The following CCDC85C variants were observed in gnomAD, a reference collection of about 807,000 sequenced individuals.
The protein encoded by CCDC85C is coiled-coil domain containing 85C.
CCDC85C carries 18 observed loss-of-function variants against 38.3 expected under a neutral mutation model. The ratio of observed to expected loss-of-function variants is 0.47; its 90% CI spans 0.33 to 0.70. The LOEUF (loss-of-function observed/expected upper bound fraction) is 0.70, where lower values mean the gene tolerates loss of function less well. Ranked by LOEUF, CCDC85C falls within the 30% of genes least tolerant of loss-of-function variation. CCDC85C has a pLI of 0.03. For synonymous variants in CCDC85C, 264 were observed against 293.8 expected (o/e 0.90, Z 1.04); for missense variants, 566 against 621.2 (o/e 0.91, Z 0.94).
chr14:99,584,152 C>T, intron 1 of CCDC85C, among the ~76,000 whole-genome samples: 1 of 152,136 alleles, frequency 6.6e-6, no homozygotes, highest in East Asian at 1.9e-4. Flanking sequence ...CTTAGCCTCC[C>T]AAGCAGCTGG....
rs145094828 is a variant in CCDC85C, at chr14:99,559,193, C to T, written c.794-23105G>A. 4.2e-4 allele frequency among the ~76,000 whole-genome samples: 59 copies of T among 140,510 alleles called. 4 individuals carry two copies. The East Asian group carries it at 0.012, about 28-fold the overall frequency. The allele number at this position is 140,510 out of a possible 152,430, so 92.2% of individuals were successfully genotyped here. Reference sequence around the variant, plus strand: ...TCTTAGGTATTTCTTTACAGCAATGCGAGAGCAGCCGAATACAGGAGTCCC... The same window carrying T: ...TCTTAGGTATTTCTTTACAGCAATGTGAGAGCAGCCGAATACAGGAGTCCC... On this transcript the variant is annotated intron_variant, in intron 1 of 5. Coordinates refer to ENST00000380243, the MANE Select transcript of CCDC85C (RefSeq NM_001144995.2).
chr14:99,564,661 G>T (rs1315587354), intron 1 of CCDC85C, among the ~76,000 whole-genome samples: 1 of 152,244 alleles, frequency 6.6e-6, no homozygotes, highest in African/African-American at 2.4e-5. Flanking sequence ...AGTCCCAGTG[G>T]CAGGAAGTAT....
Position 99,535,718 on chromosome 14 carries a change from G to A in CCDC85C, c.867+297C>T, listed in dbSNP as rs1407612966. On this transcript the variant is annotated intron_variant, in intron 2 of 5. Coordinates refer to ENST00000380243, the MANE Select transcript of CCDC85C (RefSeq NM_001144995.2). The surrounding 1 kb of genome is among the most constrained non-coding windows in gnomAD (Gnocchi z 5.5). ...CCTGCCTGGATCTGCCCATCTGCCA[G>A]AGGAGTGAAGCAGCCCATTTCTTCA... 6.6e-6 allele frequency among the ~76,000 whole-genome samples: 1 copy of A among 152,174 alleles called. No homozygotes were observed. The highest frequency in any genetic ancestry group is 1.5e-5 in the Non-Finnish European group (1 of 68,030).
At chr14:99,562,364 C>G (rs1898133774) in intron 1 of CCDC85C, among the ~76,000 whole-genome samples, 1 of 152,232 alleles carries the variant, frequency 6.6e-6, no homozygotes, top group Non-Finnish European at 1.5e-5. Context: ...CAAGCCCTAA[C>G]CAAGTGCCAC....
intron 1 of CCDC85C, among the ~76,000 whole-genome samples, chr14:99,560,666 C>T (rs1472478213): frequency 1.3e-5 from 2 of 152,216 alleles, no homozygotes; most frequent in African/African-American, 2.4e-5. Context: ...TCGCTGGGCC[C>T]GGTGTACTCA....
Position 99,572,066 on chromosome 14 carries a change from C to G in CCDC85C, c.793+31101G>C, listed in dbSNP as rs1019995044. 6.6e-6 allele frequency among the ~76,000 whole-genome samples: 1 copy of G among 152,180 alleles called. No individual in the cohort carries two copies. Among genetic ancestry groups the G allele is most frequent in the Non-Finnish European group, 1.5e-5 (1 of 68,030 alleles). On this transcript the variant is annotated intron_variant, in intron 1 of 5. Coordinates refer to ENST00000380243, the MANE Select transcript of CCDC85C (RefSeq NM_001144995.2). The surrounding 1 kb of genome is among the most constrained non-coding windows in gnomAD (Gnocchi z 4.4). ...GCATCTCAGAGCGTGATCCCCAGAG[C>G]CCCCAACCCTAACCCAGCACCCGCA...
intron 1 of CCDC85C, among the ~76,000 whole-genome samples, chr14:99,551,697 G>A (rs1411427437): frequency 6.6e-6 from 1 of 151,718 alleles, no homozygotes; most frequent in Non-Finnish European, 1.5e-5. Context: ...AGGTGAGTGT[G>A]CAGGTGGGTG....
chr14:99,592,232 A>G (rs2055095562), intron 1 of CCDC85C, among the ~76,000 whole-genome samples: 1 of 152,230 alleles, frequency 6.6e-6, no homozygotes, highest in Non-Finnish European at 1.5e-5. Context: ...GAATTGAAGC[A>G]GCTACATATG....
At chr14:99,549,218 GAAGT>G (rs1261150726) in intron 1 of CCDC85C, among the ~76,000 whole-genome samples, 2 of 152,216 alleles carry the variant, frequency 1.3e-5, no homozygotes, top group East Asian at 1.9e-4. Flanking sequence ...TTCTTAATAA[GAAGT>G]AAGTTAAAGG....
chr14:99,536,213 G>A, intron 1 of CCDC85C, 125 bp from the exon 2 acceptor site: 3 of 715,462 alleles, frequency 4.2e-6, no homozygotes, highest in Non-Finnish European at 5.0e-6. Context: ...CCCACAGCCA[G>A]GTGACGCCCC....
At position 99,535,733 on chromosome 14, in the gene CCDC85C, C is replaced by G. The variant is rs1595348178; in HGVS notation, c.867+282G>C. 1.3e-5 allele frequency among the ~76,000 whole-genome samples: 2 copies of G among 152,162 alleles called. No homozygotes were observed. The highest frequency in any genetic ancestry group is 3.9e-4 in the East Asian group (2 of 5,188). ...CCATCTGCCAGAGGAGTGAAGCAGCCCATTTCTTCATCAACTGGGTGTTGT... is the reference window on the plus strand; with the variant it reads ...CCATCTGCCAGAGGAGTGAAGCAGCGCATTTCTTCATCAACTGGGTGTTGT... On this transcript the variant is annotated intron_variant, in intron 2 of 5. Coordinates refer to ENST00000380243, the MANE Select transcript of CCDC85C (RefSeq NM_001144995.2). The surrounding 1 kb of genome is among the most constrained non-coding windows in gnomAD (Gnocchi z 5.5).
intron 1 of CCDC85C, among the ~76,000 whole-genome samples, chr14:99,550,733 C>T (rs892548957): frequency 4.1e-4 from 62 of 152,320 alleles, no homozygotes; most frequent in Non-Finnish European, 7.9e-4. Context: ...CTGCCCTGTT[C>T]CCCGACTGCT....
In CCDC85C at chr14:99,501,109, T is replaced by C; in HGVS notation, c.*14137A>G. 1.7e-6 allele frequency: 1 copy of C among 600,144 alleles called. No individual in the cohort carries two copies. The highest frequency in any genetic ancestry group is 2.9e-6 in the Non-Finnish European group (1 of 342,428). The allele number at this position is 600,144 out of a possible 1,614,324, so 37.2% of individuals were successfully genotyped here. A position where few individuals can be genotyped will look rare whatever the true frequency, so the allele number is the denominator to read the frequency against. On this transcript the variant is annotated 3_prime_UTR_variant, in exon 6 of 6. Coordinates refer to ENST00000380243, the MANE Select transcript of CCDC85C (RefSeq NM_001144995.2). Reference sequence around the variant, plus strand: ...GGAGAGGCAGGAAAATGAGGCAGAATTTTTTAAATGGACTAATAAACTTAG... The same window carrying C: ...GGAGAGGCAGGAAAATGAGGCAGAACTTTTTAAATGGACTAATAAACTTAG...
rs58668399 is a variant in CCDC85C, at chr14:99,517,152, G to A, written c.1007C>T (p.Ser336Leu). The A allele has an allele frequency of 2.3e-3, 3,488 of 1,549,746 alleles. 106 individuals are homozygous for A. In the Admixed American group the frequency reaches 0.053, roughly 23 times the overall value. Residue 336 changes from serine (S) to leucine (L), a missense_variant, in exon 4 of 6, where the codon TCG becomes TTG. This residue lies in a region of CCDC85C where 286 missense variants were observed against 276.4 expected (regional missense o/e 1.03). Transcript: ENST00000380243. ...GPACPAPELPSPPSAGYSPAG... is the reference protein window; with the variant it reads ...GPACPAPELPLPPSAGYSPAG... ...AGGGCTGTAGCCAGCAGAGGGGGGC[G>A]AGGGCAGCTCAGGTGCGGGGCAGGC...
In CCDC85C at chr14:99,558,866, C is replaced by T. The variant is rs746550984; in HGVS notation, c.794-22778G>A. Among the ~76,000 whole-genome samples the T allele has an allele frequency of 1.3e-5, 2 of 152,174 alleles. No individual in the cohort carries two copies. The highest frequency in any genetic ancestry group is 1.5e-5 in the Non-Finnish European group (1 of 68,028). On this transcript the variant is annotated intron_variant, in intron 1 of 5. Coordinates refer to ENST00000380243, the MANE Select transcript of CCDC85C (RefSeq NM_001144995.2). This position sits in a 1 kb window ranked among gnomAD's most constrained non-coding sequence, Gnocchi z 4.2. The stretch of plus-strand genomic sequence containing the variant: ...GTATCCCCAGTGCTGGAGGTGGGGC[C>T]TGGAGGGAGGTGACCGGATCATCCG...
chr14:99,531,591 G>GA (rs1897494924), intron 2 of CCDC85C, among the ~76,000 whole-genome samples: 2 of 124,158 alleles, frequency 1.6e-5, no homozygotes, highest in African/African-American at 5.7e-5. Context: ...GGTGGGGGGG[G>GA]GGGTGGGACC....
rs1406728723 is a variant in CCDC85C, at chr14:99,572,905, C to T, written c.793+30262G>A. On this transcript the variant is annotated intron_variant, in intron 1 of 5. Coordinates refer to ENST00000380243, the MANE Select transcript of CCDC85C (RefSeq NM_001144995.2). The surrounding 1 kb of genome is among the most constrained non-coding windows in gnomAD (Gnocchi z 4.4). ...CCCAAGTCCCAGGCAGGGTGGGAGG[C>T]ACGGACCTGAGGCAGCGCCTTCTCT... 1 of 443,990 alleles carries T rather than the reference C, an allele frequency of 2.3e-6. No homozygotes were observed. The highest frequency in any genetic ancestry group is 4.5e-6 in the Non-Finnish European group (1 of 220,120). The allele number at this position is 443,990 out of a possible 1,614,324, so 27.5% of individuals were successfully genotyped here.
At chr14:99,529,847 AG>A (rs1897458876) in intron 2 of CCDC85C, among the ~76,000 whole-genome samples, 1 of 152,240 alleles carries the variant, frequency 6.6e-6, no homozygotes, top group African/African-American at 2.4e-5. Context: ...CACAATGGAC[AG>A]GAAAGATCAC....
At chr14:99,594,842 CTTCCAA>C (rs961093519) in intron 1 of CCDC85C, among the ~76,000 whole-genome samples, 2 of 152,234 alleles carry the variant, frequency 1.3e-5, no homozygotes, top group Middle Eastern at 6.3e-3. Flanking sequence ...CACTAGTAAT[CTTCCAA>C]GACCCCCAGG....
Sources: gnomAD v4.1 joint callset for allele counts (sites outside exome capture counted in the v4.1 genomes callset) on GRCh38, gnomAD v4.1.1 for gene constraint, gnomAD v4.1.1 regional missense constraint, Gnocchi (gnomAD v3.1) non-coding constraint, MANE v1.5 for transcripts, NCBI Gene and HGNC (gene_info 2026-07-23, HGNC 2026-07-21) for gene names.